The following ALK variants were observed in gnomAD, a reference collection of about 807,000 sequenced individuals.
ALK encodes the protein ALK tyrosine kinase receptor.
A neutral mutation model predicts 163.1 loss-of-function variants in ALK; 74 were observed. That is an observed-to-expected ratio of 0.45 (90% CI 0.38 to 0.55). ALK has a LOEUF of 0.55. Ranked by LOEUF, ALK falls within the 20% of genes least tolerant of loss-of-function variation. ALK has a pLI of 0.00. For missense variants in ALK, 2,063 were observed against 2,105.3 expected, an observed-to-expected ratio of 0.98 and a Z score of 0.39; for synonymous variants, 960 against 843.2, an observed-to-expected ratio of 1.14 and a Z score of -2.40.
intron 1 of ALK, among the ~76,000 whole-genome samples, chr2:29,879,272 A>G (rs1666797736): frequency 6.6e-6 from 1 of 152,210 alleles, no homozygotes; most frequent in Admixed American, 6.5e-5. Flanking sequence ...AACTTTAGAC[A>G]AAACAGCTTA....
chr2:29,262,852 G>T (rs1558643780), intron 11 of ALK, among the ~76,000 whole-genome samples: 1 of 152,238 alleles, frequency 6.6e-6, no homozygotes, highest in African/African-American at 2.4e-5. Flanking sequence ...TCCTGTGATG[G>T]CTGCTGTATT....
At chr2:29,201,216 C>A (rs1669171082) in intron 26 of ALK, among the ~76,000 whole-genome samples, 1 of 152,050 alleles carries the variant, frequency 6.6e-6, no homozygotes, top group South Asian at 2.1e-4. Flanking sequence ...TCTCATACAC[C>A]AAGATCTCAT....
At chr2:29,525,093 G>A (rs978450109) in intron 4 of ALK, among the ~76,000 whole-genome samples, 1 of 152,184 alleles carries the variant, frequency 6.6e-6, no homozygotes, top group Non-Finnish European at 1.5e-5. Context: ...AGTCCTTCTA[G>A]AGACAGAATA....
At chr2:29,506,015 T>G (rs147269141) in intron 4 of ALK, among the ~76,000 whole-genome samples, 3 of 152,092 alleles carry the variant, frequency 2.0e-5, no homozygotes, top group Non-Finnish European at 2.9e-5. Flanking sequence ...CAGAGCCAGT[T>G]TTTTTCTGAG....
chr2:29,282,131 G>C (rs1388076138), intron 9 of ALK, among the ~76,000 whole-genome samples: 1 of 152,152 alleles, frequency 6.6e-6, no homozygotes, highest in Admixed American at 6.5e-5. Flanking sequence ...CGGAAGAAGG[G>C]AGTGTCCTGC....
At chr2:29,701,261 G>A (rs1678726628) in intron 2 of ALK, among the ~76,000 whole-genome samples, 1 of 152,168 alleles carries the variant, frequency 6.6e-6, no homozygotes, top group African/African-American at 2.4e-5. Flanking sequence ...CCAGAGACTA[G>A]TTTCCTAAAT....
chr2:29,203,588 G>T (rs776038389), intron 26 of ALK, among the ~76,000 whole-genome samples: 6 of 136,492 alleles, frequency 4.4e-5, no homozygotes, highest in East Asian at 2.4e-4. Flanking sequence ...CCAGGTTCAA[G>T]CAATTCTCTG....
At chr2:29,702,288 G>C in intron 2 of ALK, among the ~76,000 whole-genome samples, 1 of 152,018 alleles carries the variant, frequency 6.6e-6, no homozygotes, top group Non-Finnish European at 1.5e-5. Context: ...TATTCTAAAT[G>C]GCCACACTTC....
chr2:29,206,114 C>G (rs1669302354), intron 26 of ALK, among the ~76,000 whole-genome samples: 1 of 152,076 alleles, frequency 6.6e-6, no homozygotes, highest in Admixed American at 6.6e-5. Context: ...GGGGCTCAGC[C>G]ACAGGATTTA....
At chr2:29,430,176 C>T (rs1467906478) in intron 4 of ALK, among the ~76,000 whole-genome samples, 4 of 151,952 alleles carry the variant, frequency 2.6e-5, no homozygotes, top group Non-Finnish European at 5.9e-5. Flanking sequence ...AAAGCATAAG[C>T]AGCAATAAAA....
intron 4 of ALK, among the ~76,000 whole-genome samples, chr2:29,413,436 T>TC (rs1479624937): frequency 6.6e-6 from 1 of 152,082 alleles, no homozygotes; most frequent in East Asian, 1.9e-4. Flanking sequence ...AACCTCCGCC[T>TC]CCCAGGTTCA....
chr2:29,741,521 T>A (rs77158497), intron 1 of ALK, among the ~76,000 whole-genome samples: 8,308 of 152,260 alleles, frequency 0.055, 756 homozygotes, highest in African/African-American at 0.19. Flanking sequence ...TTATATAATC[T>A]GCATACTGAA....
intron 26 of ALK, among the ~76,000 whole-genome samples, chr2:29,202,027 T>C (rs1425029693): frequency 6.6e-6 from 1 of 152,098 alleles, no homozygotes; most frequent in African/African-American, 2.4e-5. Context: ...TAGAATAAAA[T>C]CCACATCCCC....
At chr2:29,432,452 G>C (rs1235273085) in intron 4 of ALK, among the ~76,000 whole-genome samples, 2 of 152,092 alleles carry the variant, frequency 1.3e-5, no homozygotes, top group Non-Finnish European at 2.9e-5. Context: ...TTCCATGTTC[G>C]TACAGCCTGC....
intron 11 of ALK, among the ~76,000 whole-genome samples, chr2:29,259,013 G>A (rs542808708): frequency 2.6e-5 from 4 of 152,140 alleles, no homozygotes; most frequent in South Asian, 2.1e-4. Context: ...TATATCACAA[G>A]GTACATCATG....
chr2:29,256,497 C>T (rs768549977), intron 11 of ALK, among the ~76,000 whole-genome samples: 7 of 152,036 alleles, frequency 4.6e-5, no homozygotes, highest in South Asian at 2.1e-4. Flanking sequence ...CTGCAGCATA[C>T]GAAGTAGATA....
intron 4 of ALK, among the ~76,000 whole-genome samples, chr2:29,493,680 G>A (rs1236156278): frequency 1.3e-5 from 2 of 152,234 alleles, no homozygotes; most frequent in African/African-American, 4.8e-5. Flanking sequence ...ACTTCCCGAG[G>A]TTGTGGGAGG....
At chr2:29,668,444 T>C (rs1677584378) in intron 3 of ALK, among the ~76,000 whole-genome samples, 1 of 152,128 alleles carries the variant, frequency 6.6e-6, no homozygotes, top group Non-Finnish European at 1.5e-5. Flanking sequence ...GATTTTGGTA[T>C]GTTGTATTTC....
At chr2:29,458,799 A>G (rs1430450551) in intron 4 of ALK, among the ~76,000 whole-genome samples, 1 of 152,092 alleles carries the variant, frequency 6.6e-6, no homozygotes, top group East Asian at 1.9e-4. Context: ...GAGTGCTTAC[A>G]CTGTGGAGGG....
Sources: gnomAD v4.1 joint callset for allele counts (sites outside exome capture counted in the v4.1 genomes callset) on GRCh38, gnomAD v4.1.1 for gene constraint, MANE v1.5 for transcripts, NCBI Gene and HGNC (gene_info 2026-07-23, HGNC 2026-07-21) for gene names.